The following RERE variants were observed in gnomAD, a reference collection of about 807,000 sequenced individuals.
RERE encodes the protein arginine-glutamic acid dipeptide repeats.
A neutral mutation model predicts 146.1 loss-of-function variants in RERE; 40 were observed. The ratio of observed to expected loss-of-function variants is 0.27; its 90% confidence interval spans 0.21 to 0.36. RERE has a LOEUF of 0.36. Ranked by LOEUF, RERE falls within the 10% of genes least tolerant of loss-of-function variation. The probability of loss-of-function intolerance (pLI) is 1.00; values close to 1 mark genes in which losing one functional copy is unlikely to be tolerated. For synonymous variants in RERE, 1,003 were observed against 866.0 expected (o/e 1.16, Z -2.78); for missense variants, 1,933 against 2,138.7 (o/e 0.90, Z 1.90).
At chr1:8,425,996 C>A (rs1270553293) in intron 11 of RERE, among the ~76,000 whole-genome samples, 1 of 152,120 alleles carries the variant, frequency 6.6e-6, no homozygotes, top group Non-Finnish European at 1.5e-5. Context: ...AGAGACAAAG[C>A]CAGAATTCAA....
At chr1:8,568,135 A>C (rs1404852609) in intron 4 of RERE, among the ~76,000 whole-genome samples, 1 of 148,376 alleles carries the variant, frequency 6.7e-6, no homozygotes, top group Non-Finnish European at 1.5e-5. Context: ...AGAACAGAAC[A>C]AAAAAAAGCA....
rs1386250041 is a variant in RERE, at chr1:8,496,424, C to T, written c.1004+981G>A. Among the ~76,000 whole-genome samples, 4 of 151,406 alleles carry T rather than the reference C, an allele frequency of 2.6e-5. No homozygotes were observed. The East Asian group carries it at 7.8e-4, about 29-fold the overall frequency. ...CTCAGGAAGTTAAGGCTGTAGTGAG[C>T]TATAATTGTGCCACTGTACTCCAGC... is the stretch of plus-strand genomic sequence containing the variant. On this transcript the variant is annotated intron_variant, in intron 9 of 22. Coordinates refer to ENST00000400908, the MANE Select transcript of RERE (RefSeq NM_001042681.2).
chr1:8,603,129 T>G (rs1039000342), intron 4 of RERE, among the ~76,000 whole-genome samples: 3 of 152,256 alleles, frequency 2.0e-5, no homozygotes, highest in Non-Finnish European at 4.4e-5. Context: ...ACCTTAATAT[T>G]TTTAACATCC....
chr1:8,497,387 G>C lies in RERE; in HGVS notation c.1004+18C>G. 2 of 1,613,874 alleles carry C rather than the reference G, an allele frequency of 1.2e-6. No individual in the cohort carries two copies. Among genetic ancestry groups the C allele is most frequent in the Admixed American group, 1.7e-5 (1 of 60,012 alleles). ...ATGGTCTAATTCAGAAAGCAGGATG[G>C]GGGTAGATTCCTATTACCTTGCTGC... On this transcript the variant is annotated intron_variant, in intron 9 of 22. Coordinates refer to ENST00000400908, the MANE Select transcript of RERE (RefSeq NM_001042681.2).
intron 11 of RERE, among the ~76,000 whole-genome samples, chr1:8,445,919 T>A (rs1644312024): frequency 6.7e-6 from 1 of 149,282 alleles, no homozygotes; most frequent in Non-Finnish European, 1.5e-5. Context: ...TGAGAACATG[T>A]GGTGTTTGGT....
chr1:8,786,738 A>C (rs1249301021), intron 1 of RERE: 1 of 779,856 alleles, frequency 1.3e-6, no homozygotes, highest in Non-Finnish European at 2.3e-6. Flanking sequence ...TTCGAATTTC[A>C]GTTCTGTACA....
In RERE at chr1:8,656,301, T is replaced by C; in HGVS notation, c.-4A>G. 6.2e-7 allele frequency: 1 copy of C among 1,612,274 alleles called. No homozygotes were observed. The highest frequency in any genetic ancestry group is 8.5e-7 in the Non-Finnish European group (1 of 1,179,116). On this transcript the variant is annotated 5_prime_UTR_variant, in exon 2 of 23. Transcript: ENST00000400908. Reference sequence around the variant, plus strand: ...CTTTGTCTTTGTCCGCTGTCATGATTCGCCACGTGCCTTCTTCTGTCCTCT... The same window carrying C: ...CTTTGTCTTTGTCCGCTGTCATGATCCGCCACGTGCCTTCTTCTGTCCTCT...
chr1:8,355,561 G>A lies in RERE; in HGVS notation c.4525C>T (p.Pro1509Ser), dbSNP rs1453523654. The A allele has an allele frequency of 3.7e-6, 6 of 1,602,972 alleles. No homozygotes were observed. The African/African-American group carries it at 4.0e-5, about 11-fold the overall frequency. ...YPRDLPGAIP[P>S]PMSAAHQLQA... The stretch of plus-strand genomic sequence containing the variant: ...AGCTGGTGGGCTGCTGACATGGGGG[G>A]TGGGATGGCCCCAGGCAGGTCACGG... Residue 1509 changes from proline to serine, a missense_variant, in exon 22 of 23, where the codon CCC (proline) becomes TCC (serine). Pro to Ser is a moderately conservative substitution (Grantham distance 74). Coordinates refer to ENST00000400908, the MANE Select transcript of RERE (RefSeq NM_001042681.2).
rs1204066978 is a variant in RERE at position 8,720,867 on chromosome 1, C to T, written c.-144-64426G>A. Among the ~76,000 whole-genome samples, 3 of 152,096 alleles carry T rather than the reference C, an allele frequency of 2.0e-5. 1 individual carries two copies. Among genetic ancestry groups the T allele is most frequent in the Non-Finnish European group, 2.9e-5 (2 of 68,010 alleles). ...GGTCAGGAGTTTGAGACCAGCCTGA[C>T]CAACACGGTGCAACCCCGTCTCTAC... On this transcript the variant is annotated intron_variant, in intron 1 of 22. Coordinates refer to ENST00000400908, the MANE Select transcript of RERE (RefSeq NM_001042681.2).
chr1:8,785,511 G>C (rs1418448496), intron 1 of RERE, among the ~76,000 whole-genome samples: 1 of 152,158 alleles, frequency 6.6e-6, no homozygotes, highest in Non-Finnish European at 1.5e-5. Flanking sequence ...CCAAGTCCTA[G>C]TCCTTACCTT....
At chr1:8,584,244 A>T (rs1408752635) in intron 4 of RERE, among the ~76,000 whole-genome samples, 1 of 152,156 alleles carries the variant, frequency 6.6e-6, no homozygotes, top group Non-Finnish European at 1.5e-5. Flanking sequence ...GAAAAGGACT[A>T]AGGAGAAAGT....
rs371299407 is a variant in RERE at position 8,361,891 on chromosome 1, C to T, written c.1903-15G>A. 28 of 1,591,134 alleles carry T rather than the reference C, an allele frequency of 1.8e-5. No individual in the cohort carries two copies. Among genetic ancestry groups the T allele is most frequent in the Non-Finnish European group, 2.2e-5 (26 of 1,159,534 alleles). On this transcript the variant is annotated splice_polypyrimidine_tract_variant and intron_variant, in intron 16 of 22. Transcript: ENST00000400908. Reference sequence around the variant, plus strand: ...TCCTTCACCTTCTGCAGGGGAAAAGCCCACAAGGAGCAATCAGGCCAAGGG... The same window carrying T: ...TCCTTCACCTTCTGCAGGGGAAAAGTCCACAAGGAGCAATCAGGCCAAGGG...
chr1:8,451,438 G>GA (rs1644389611), intron 11 of RERE, among the ~76,000 whole-genome samples: 1 of 96,416 alleles, frequency 1.0e-5, no homozygotes, highest in Non-Finnish European at 2.4e-5. Context: ...TCTCAAAAAA[G>GA]AACAAAAAAA....
intron 2 of RERE, among the ~76,000 whole-genome samples, chr1:8,635,671 T>TC (rs1380514580): frequency 6.6e-6 from 1 of 152,028 alleles, no homozygotes; most frequent in Non-Finnish European, 1.5e-5. Context: ...AATTAAGACT[T>TC]CCCCATTCTA....
rs754854999 is a variant in RERE at position 8,497,385 on chromosome 1, TG to T, written c.1004+19del. On this transcript the variant is annotated intron_variant, in intron 9 of 22. Coordinates refer to ENST00000400908, the MANE Select transcript of RERE (RefSeq NM_001042681.2). ...AGATGGTCTAATTCAGAAAGCAGGA[TG>T]GGGGTAGATTCCTATTACCTTGCTG... The T allele has an allele frequency of 2.0e-5, 32 of 1,613,752 alleles. No homozygotes were observed. Among genetic ancestry groups the T allele is most frequent in the Non-Finnish European group, 2.5e-5 (29 of 1,179,808 alleles).
chr1:8,579,370 T>C (rs1039577270), intron 4 of RERE, among the ~76,000 whole-genome samples: 2 of 152,222 alleles, frequency 1.3e-5, no homozygotes, highest in Non-Finnish European at 2.9e-5. Context: ...CCGTATTCTA[T>C]AATTGGAGGG....
rs144555231 is a variant in RERE, at chr1:8,582,660, G to A, written c.523-25137C>T. On this transcript the variant is annotated intron_variant, in intron 4 of 22. Coordinates refer to ENST00000400908, the MANE Select transcript of RERE (RefSeq NM_001042681.2). ...TTGTTGAACCTGGGAGGCAGAGGTT[G>A]CAGTGAGCTGAGACTGTGCCACTGC... Among the ~76,000 whole-genome samples, 19 of 152,298 alleles carry A rather than the reference G, an allele frequency of 1.2e-4. No individual in the cohort carries two copies. In the East Asian group the frequency reaches 3.7e-3, roughly 29 times the overall value.
At chr1:8,443,918 G>A (rs1225938346) in intron 11 of RERE, among the ~76,000 whole-genome samples, 1 of 152,232 alleles carries the variant, frequency 6.6e-6, no homozygotes, top group African/African-American at 2.4e-5. Flanking sequence ...CAGGTGCCCA[G>A]GCCAGAAGCC....
chr1:8,694,112 AG>A (rs1639269026), intron 1 of RERE, among the ~76,000 whole-genome samples: 1 of 151,750 alleles, frequency 6.6e-6, no homozygotes, highest in African/African-American at 2.4e-5. Flanking sequence ...TCAAAGAGCC[AG>A]GAAGTGCTAG....
Sources: allele counts gnomAD v4.1 joint callset (sites outside exome capture counted in the v4.1 genomes callset), GRCh38; gene constraint gnomAD v4.1.1; transcripts MANE v1.5; gene names NCBI Gene and HGNC (gene_info 2026-07-23, HGNC 2026-07-21).